NTNG1: variants seen among roughly 807,000 people sequenced by gnomAD.
The protein encoded by NTNG1 is netrin-G1.
NTNG1 carries 16 observed loss-of-function variants against 54.0 expected under a neutral mutation model. The observed-to-expected ratio is 0.30, with a 90% confidence interval of 0.20 to 0.45. The LOEUF (loss-of-function observed/expected upper bound fraction) is 0.45, where lower values mean the gene tolerates loss of function less well. Ranked by LOEUF, NTNG1 falls within the 20% of genes least tolerant of loss-of-function variation. NTNG1 has a pLI of 1.00. For missense variants in NTNG1, 530 were observed against 678.7 expected, an observed-to-expected ratio of 0.78 and a Z score of 2.43; for synonymous variants, 255 against 263.1, an observed-to-expected ratio of 0.97 and a Z score of 0.30.
chr1:107,155,534 C>A (rs1341679029), intron 2 of NTNG1, among the ~76,000 whole-genome samples: 2 of 152,056 alleles, frequency 1.3e-5, no homozygotes, highest in Non-Finnish European at 2.9e-5. Context: ...CCATTTAGCA[C>A]CTCATTAGAT....
intron 2 of NTNG1, among the ~76,000 whole-genome samples, chr1:107,271,186 T>G (rs913094186): frequency 1.3e-5 from 2 of 152,208 alleles, no homozygotes; most frequent in Non-Finnish European, 2.9e-5. Context: ...ATATTTTAAT[T>G]GATATTGTAA....
chr1:107,253,461 GT>G (rs1255191780), intron 2 of NTNG1, among the ~76,000 whole-genome samples: 3 of 152,172 alleles, frequency 2.0e-5, no homozygotes, highest in African/African-American at 7.2e-5. Context: ...TAGCTTCCAT[GT>G]CACCCATTTT....
At chr1:107,155,547 T>G (rs539045334) in intron 2 of NTNG1, among the ~76,000 whole-genome samples, 1 of 152,218 alleles carries the variant, frequency 6.6e-6, no homozygotes, top group Admixed American at 6.5e-5. Flanking sequence ...CATTAGATCT[T>G]ATTGATTTAT....
chr1:107,293,977 GAAGA>G (rs145174774), intron 2 of NTNG1, among the ~76,000 whole-genome samples: 4,385 of 152,168 alleles, frequency 0.029, 197 homozygotes, highest in African/African-American at 0.1. Context: ...TTTCCAAGTG[GAAGA>G]TAGATAAAGG....
intron 2 of NTNG1, among the ~76,000 whole-genome samples, chr1:107,193,039 C>T (rs1017001443): frequency 2.0e-5 from 3 of 151,914 alleles, no homozygotes; most frequent in Admixed American, 6.6e-5. Context: ...ATATAATGGC[C>T]TAATGAAATA....
At chr1:107,195,078 G>A (rs1168015746) in intron 2 of NTNG1, among the ~76,000 whole-genome samples, 1 of 151,818 alleles carries the variant, frequency 6.6e-6, no homozygotes, top group Non-Finnish European at 1.5e-5. Flanking sequence ...GCATGCTTAG[G>A]GAACAATGAA....
intron 2 of NTNG1, among the ~76,000 whole-genome samples, chr1:107,280,120 TA>T (rs1189781370): frequency 6.6e-6 from 1 of 151,428 alleles, no homozygotes; most frequent in Non-Finnish European, 1.5e-5. Flanking sequence ...TTTTAATTTA[TA>T]TCTCCTAAAG....
Position 107,443,979 on chromosome 1 carries a change from C to T in NTNG1, c.1390+7180C>T, listed in dbSNP as rs901222087. Among the ~76,000 whole-genome samples the T allele has an allele frequency of 1.3e-4, 20 of 151,980 alleles. 1 individual carries two copies. The highest frequency in any genetic ancestry group is 1.3e-3 in the Admixed American group (20 of 15,242). On this transcript the variant is annotated intron_variant, in intron 7 of 7. Coordinates refer to ENST00000370068, the MANE Select transcript of NTNG1 (RefSeq NM_001113226.3). ...CTTTAAACAGAACCAGTAGGAGCCTCCCAGAGGCAATTTAAAAAGGAAAAT... is the reference window on the plus strand; with the variant it reads ...CTTTAAACAGAACCAGTAGGAGCCTTCCAGAGGCAATTTAAAAAGGAAAAT...
In NTNG1 at chr1:107,280,157, C is replaced by CCT. The variant is rs35902173; in HGVS notation, c.247-44125_247-44124insCT. ...ATGTATGATGTGTTTCGGTGCTAAC[C>CCT]TTTTTTTTTTTTTTTTCCCTCACTG... On this transcript the variant is annotated intron_variant, in intron 2 of 7. Transcript: ENST00000370068. Among the ~76,000 whole-genome samples, 10 of 103,942 alleles carry CCT rather than the reference C, an allele frequency of 9.6e-5. No individual in the cohort carries two copies. The East Asian group carries it at 2.7e-3, about 28-fold the overall frequency. The allele number at this position is 103,942 out of a possible 152,430, so 68.2% of individuals were successfully genotyped here.
chr1:107,176,024 G>A (rs1011023927), intron 2 of NTNG1, among the ~76,000 whole-genome samples: 7 of 152,058 alleles, frequency 4.6e-5, no homozygotes, highest in African/African-American at 1.7e-4. Flanking sequence ...TTTTCACCTG[G>A]GTATTTTGAG....
At chr1:107,166,961 A>G (rs1655843873) in intron 2 of NTNG1, among the ~76,000 whole-genome samples, 2 of 152,148 alleles carry the variant, frequency 1.3e-5, no homozygotes, top group Admixed American at 1.3e-4. Flanking sequence ...AAGGATCACA[A>G]TGACACAGAG....
At chr1:107,448,813 A>G (rs1220282825) in intron 7 of NTNG1, among the ~76,000 whole-genome samples, 2 of 152,054 alleles carry the variant, frequency 1.3e-5, no homozygotes, top group African/African-American at 4.8e-5. Flanking sequence ...AATAAGAAAA[A>G]CCATGAAAAC....
At chr1:107,459,786 C>T (rs187809793) in intron 7 of NTNG1, among the ~76,000 whole-genome samples, 7 of 152,200 alleles carry the variant, frequency 4.6e-5, no homozygotes, top group East Asian at 1.9e-4. Flanking sequence ...TCCCAATACA[C>T]GGTTTTGGAA....
At chr1:107,472,639 G>T (rs185510337) in intron 7 of NTNG1, among the ~76,000 whole-genome samples, 1 of 152,136 alleles carries the variant, frequency 6.6e-6, no homozygotes, top group South Asian at 2.1e-4. Context: ...GTTTTATGAC[G>T]CTCAGCCAAT....
At chr1:107,225,009 C>A (rs1337675496) in intron 2 of NTNG1, among the ~76,000 whole-genome samples, 1 of 152,044 alleles carries the variant, frequency 6.6e-6, no homozygotes, top group Non-Finnish European at 1.5e-5. Context: ...TTGTATAGTA[C>A]CTAGCATATG....
chr1:107,166,586 C>T (rs950143343), intron 2 of NTNG1, among the ~76,000 whole-genome samples: 9 of 152,022 alleles, frequency 5.9e-5, no homozygotes, highest in African/African-American at 1.9e-4. Context: ...ATCATAAGTA[C>T]TTAACAGATA....
At chr1:107,282,933 A>G (rs949489616) in intron 2 of NTNG1, among the ~76,000 whole-genome samples, 1 of 152,086 alleles carries the variant, frequency 6.6e-6, no homozygotes, top group South Asian at 2.1e-4. Flanking sequence ...CATAGATGAT[A>G]CCTTCTTACT....
At chr1:107,173,033 G>A (rs1037550563) in intron 2 of NTNG1, among the ~76,000 whole-genome samples, 1 of 152,046 alleles carries the variant, frequency 6.6e-6, no homozygotes, top group Non-Finnish European at 1.5e-5. Flanking sequence ...ATTGGTTCAG[G>A]AGAGCTCAGT....
intron 7 of NTNG1, among the ~76,000 whole-genome samples, chr1:107,474,475 A>G (rs1429016329): frequency 2.0e-5 from 3 of 152,244 alleles, no homozygotes; most frequent in Non-Finnish European, 4.4e-5. Flanking sequence ...CTCATGGTGG[A>G]TGCCTGGAAA....
Sources: allele counts gnomAD v4.1 joint callset (sites outside exome capture counted in the v4.1 genomes callset), GRCh38; gene constraint gnomAD v4.1.1; transcripts MANE v1.5; gene names NCBI Gene and HGNC (gene_info 2026-07-23, HGNC 2026-07-21).